Variants in FAAH2 observed in about 807,000 individuals in gnomAD.
FAAH2 encodes the protein fatty-acid amide hydrolase 2.
Under a neutral mutation model 36.9 loss-of-function variants are expected in FAAH2, and 60 were observed. The observed-to-expected ratio is 1.63, with a 90% CI of 1.32 to 2.02. FAAH2 has a LOEUF of 2.02. FAAH2 is among the 30% of genes most tolerant of loss of function. The pLI, the probability that FAAH2 is intolerant of heterozygous loss-of-function variation, is 0.00. For missense variants in FAAH2, 689 were observed against 397.5 expected (o/e 1.73, Z -6.23); for synonymous variants, 214 against 143.8 (o/e 1.49, Z -3.49).
At chrX:57,398,797 C>T (rs2055364045) in intron 7 of FAAH2, among the ~76,000 whole-genome samples, 1 of 111,381 alleles carries the variant, frequency 9.0e-6, no homozygotes. Context: ...GTTGCAAGCC[C>T]TGTGTTTAAA....
chrX:57,149,187 G>A, the FAAH2 span, among the ~76,000 whole-genome samples: 1 of 111,594 alleles, frequency 9.0e-6, no homozygotes, highest in Non-Finnish European at 1.9e-5. Context: ...TTTTGCATCA[G>A]TGTTCATCAA....
chrX:57,470,050 A>G (rs1461024777), intron 10 of FAAH2, among the ~76,000 whole-genome samples: 2 of 111,997 alleles, frequency 1.8e-5, no homozygotes, highest in Non-Finnish European at 3.8e-5. Flanking sequence ...TTCAAAACCA[A>G]TGAGAACAAA....
chrX:57,320,962 C>T (rs2053002896), intron 3 of FAAH2, among the ~76,000 whole-genome samples: 1 of 110,129 alleles, frequency 9.1e-6, no homozygotes, highest in Non-Finnish European at 1.9e-5. Context: ...CATGGTAAAA[C>T]CCCCGTCTCT....
At chrX:57,259,423 C>T in the FAAH2 span, among the ~76,000 whole-genome samples, 3 of 111,716 alleles carry the variant, frequency 2.7e-5, no homozygotes, top group Non-Finnish European at 5.6e-5. Flanking sequence ...TGTATGTGTG[C>T]ATGCAGTGGA....
At chrX:57,181,744 G>T in the FAAH2 span, among the ~76,000 whole-genome samples, 4 of 111,331 alleles carry the variant, frequency 3.6e-5, no homozygotes, top group East Asian at 1.1e-3. Context: ...AATTTATATG[G>T]AACCATAAAA....
Position 57,489,038 on chromosome X carries a change from G to T in FAAH2, c.*106G>T. 2 of 830,110 alleles carry T rather than the reference G, an allele frequency of 2.4e-6. No individual in the cohort carries two copies. Among genetic ancestry groups the T allele is most frequent in the Admixed American group, 3.9e-5 (1 of 25,795 alleles). The allele number at this position is 830,110 out of a possible 1,213,427, so 68.4% of individuals were successfully genotyped here. On this transcript the variant is annotated 3_prime_UTR_variant, in exon 11 of 11. Transcript: ENST00000374900. ...CCAGCAGACAAGCAGAGAAACAACT[G>T]GGGAATTTATTGACTCATTTAGTTA... is the stretch of plus-strand genomic sequence containing the variant.
chrX:57,429,535 A>G (rs1050515793), intron 7 of FAAH2, among the ~76,000 whole-genome samples: 33 of 111,524 alleles, frequency 3.0e-4, no homozygotes, highest in Admixed American at 8.6e-4. Flanking sequence ...AAAATAACAG[A>G]TATTGGCAAG....
chrX:57,242,022 A>T, the FAAH2 span, among the ~76,000 whole-genome samples: 1 of 112,316 alleles, frequency 8.9e-6, no homozygotes, highest in Non-Finnish European at 1.9e-5. Flanking sequence ...GCTTCAGCAG[A>T]CTTAAATGTT....
the FAAH2 span, chrX:57,134,966 A>G: frequency 1.8e-5 from 2 of 111,968 alleles, no homozygotes; most frequent in East Asian, 5.6e-4. Flanking sequence ...GGCATCTTTG[A>G]CAGTTGCCAC....
At chrX:57,401,935 A>G (rs1006925553) in intron 7 of FAAH2, among the ~76,000 whole-genome samples, 2 of 111,612 alleles carry the variant, frequency 1.8e-5, no homozygotes, top group Admixed American at 1.9e-4. Flanking sequence ...AAAGTTCCCC[A>G]GTCACAACTT....
chrX:57,190,499 G>A, the FAAH2 span, among the ~76,000 whole-genome samples: 1 of 108,309 alleles, frequency 9.2e-6, no homozygotes, highest in Non-Finnish European at 1.9e-5. Flanking sequence ...CCAAACAGCC[G>A]CCCAGTTTTG....
chrX:57,152,217 G>T, the FAAH2 span, among the ~76,000 whole-genome samples: 1 of 112,379 alleles, frequency 8.9e-6, no homozygotes, highest in African/African-American at 3.2e-5. Flanking sequence ...TCGGGGGTTA[G>T]GGTCCCACTT....
At chrX:57,136,648 G>C in the FAAH2 span, 1 of 357,467 alleles carries the variant, frequency 2.8e-6, no homozygotes. Context: ...TGTGCCACAA[G>C]GCAAACTTTT....
chrX:57,458,810 G>T (rs887863476), intron 10 of FAAH2, among the ~76,000 whole-genome samples: 4 of 112,210 alleles, frequency 3.6e-5, no homozygotes, highest in African/African-American at 1.3e-4. Context: ...TTCCCCACAG[G>T]TTTGCAATCC....
chrX:57,191,408 AT>A, the FAAH2 span, among the ~76,000 whole-genome samples: 6 of 110,897 alleles, frequency 5.4e-5, no homozygotes, highest in South Asian at 1.9e-3. Context: ...CAGATGTGTA[AT>A]TTGCAAATAT....
the FAAH2 span, among the ~76,000 whole-genome samples, chrX:57,247,510 C>CTGGTGCTGTT: frequency 9.0e-6 from 1 of 111,116 alleles, no homozygotes; most frequent in East Asian, 2.8e-4. Context: ...CTCTTAACAG[C>CTGGTGCTGTT]ACCAGAGCAG....
At chrX:57,243,638 C>A in the FAAH2 span, among the ~76,000 whole-genome samples, 1 of 112,013 alleles carries the variant, frequency 8.9e-6, no homozygotes, top group African/African-American at 3.2e-5. Flanking sequence ...CAGTCTCCAG[C>A]AGACCTGCAG....
chrX:57,152,758 G>A, the FAAH2 span, among the ~76,000 whole-genome samples: 1 of 111,447 alleles, frequency 9.0e-6, no homozygotes, highest in Non-Finnish European at 1.9e-5. Flanking sequence ...CTCGTGCCCG[G>A]TGTGCTGCAC....
the FAAH2 span, among the ~76,000 whole-genome samples, chrX:57,138,372 TTAAA>T: frequency 9.0e-6 from 1 of 110,988 alleles, no homozygotes; most frequent in East Asian, 2.8e-4. Context: ...ATCTGAAAAG[TTAAA>T]TAAGTGTTAG....
Sources: gnomAD v4.1 joint callset for allele counts (sites outside exome capture counted in the v4.1 genomes callset) on GRCh38, gnomAD v4.1.1 for gene constraint, MANE v1.5 for transcripts, NCBI Gene and HGNC (gene_info 2026-07-23, HGNC 2026-07-21) for gene names.